The following PRKCB variants were observed in gnomAD, a reference collection of about 807,000 sequenced individuals.
PRKCB encodes protein kinase C beta type.
Under a neutral mutation model 81.5 loss-of-function variants are expected in PRKCB, and 13 were observed. The observed-to-expected ratio is 0.16, with a 90% CI of 0.10 to 0.25. PRKCB has a LOEUF of 0.25. PRKCB is among the 10% of genes least tolerant of loss of function. PRKCB has a pLI of 1.00. For synonymous variants in PRKCB, 335 were observed against 321.4 expected (o/e 1.04, Z -0.45); for missense variants, 509 against 875.7 (o/e 0.58, Z 5.29).
intron 5 of PRKCB, among the ~76,000 whole-genome samples, chr16:24,050,263 T>C (rs1007230452): frequency 3.3e-5 from 5 of 152,164 alleles, no homozygotes; most frequent in African/African-American, 1.2e-4. Flanking sequence ...AAACACATGA[T>C]AGGGCCGAGT....
At chr16:23,849,807 C>T (rs1962442771) in intron 2 of PRKCB, among the ~76,000 whole-genome samples, 1 of 152,068 alleles carries the variant, frequency 6.6e-6, no homozygotes, top group Non-Finnish European at 1.5e-5. Context: ...ATTAATATAA[C>T]CATCAGCTTG....
intron 2 of PRKCB, among the ~76,000 whole-genome samples, chr16:23,935,880 G>A (rs1464600442): frequency 6.6e-6 from 1 of 152,140 alleles, no homozygotes; most frequent in Non-Finnish European, 1.5e-5. Flanking sequence ...GGAAGTTAGA[G>A]GGAGGGGTGG....
intron 3 of PRKCB, among the ~76,000 whole-genome samples, chr16:23,989,704 A>T (rs1326929103): frequency 2.0e-5 from 3 of 152,178 alleles, no homozygotes; most frequent in Non-Finnish European, 1.5e-5. Flanking sequence ...ATATGGCAAA[A>T]GTTTTGGTAC....
chr16:23,972,640 C>A (rs985110453), intron 2 of PRKCB, among the ~76,000 whole-genome samples: 1 of 152,116 alleles, frequency 6.6e-6, no homozygotes, highest in African/African-American at 2.4e-5. Context: ...GGGCATCTAG[C>A]ATGATGGTGA....
intron 9 of PRKCB, among the ~76,000 whole-genome samples, chr16:24,140,768 T>G (rs1220424240): frequency 6.6e-6 from 1 of 152,240 alleles, no homozygotes; most frequent in Admixed American, 6.5e-5. Context: ...TTGTGACTTC[T>G]GGAATAATGG....
At chr16:24,029,015 T>C (rs1596519324) in intron 3 of PRKCB, among the ~76,000 whole-genome samples, 1 of 151,336 alleles carries the variant, frequency 6.6e-6, no homozygotes, top group African/African-American at 2.4e-5. Context: ...GGTCTCGAAC[T>C]CCTGACCTCA....
chr16:24,133,419 G>A (rs1377348800), intron 9 of PRKCB, among the ~76,000 whole-genome samples: 1 of 152,180 alleles, frequency 6.6e-6, no homozygotes, highest in Non-Finnish European at 1.5e-5. Flanking sequence ...GAGGGCCCAT[G>A]AGAATGGCTT....
chr16:24,027,376 T>G (rs1219920443), intron 3 of PRKCB, among the ~76,000 whole-genome samples: 1 of 152,164 alleles, frequency 6.6e-6, no homozygotes, highest in Non-Finnish European at 1.5e-5. Flanking sequence ...ATAGGAACCT[T>G]ATGTATTCAC....
At chr16:23,943,205 T>G (rs1340479252) in intron 2 of PRKCB, among the ~76,000 whole-genome samples, 1 of 152,150 alleles carries the variant, frequency 6.6e-6, no homozygotes, top group South Asian at 2.1e-4. Flanking sequence ...AAAATGATCA[T>G]CTACCTTAGG....
At chr16:24,008,119 T>C (rs1965152964) in intron 3 of PRKCB, among the ~76,000 whole-genome samples, 1 of 152,280 alleles carries the variant, frequency 6.6e-6, no homozygotes, top group Admixed American at 6.5e-5. Context: ...ATCATTGTTA[T>C]AATTCCATTT....
intron 2 of PRKCB, among the ~76,000 whole-genome samples, chr16:23,926,105 G>A (rs1963892767): frequency 6.6e-6 from 1 of 151,672 alleles, no homozygotes; most frequent in Non-Finnish European, 1.5e-5. Flanking sequence ...TGAGACTCCG[G>A]CTCTATAAAA....
chr16:23,928,664 G>T (rs780708267), intron 2 of PRKCB, among the ~76,000 whole-genome samples: 12 of 152,102 alleles, frequency 7.9e-5, no homozygotes, highest in South Asian at 4.2e-4. Flanking sequence ...TGGGGGACTG[G>T]GGAGGGCTTC....
At chr16:24,145,329 G>C (rs569168594) in intron 9 of PRKCB, among the ~76,000 whole-genome samples, 2 of 152,332 alleles carry the variant, frequency 1.3e-5, no homozygotes, top group Non-Finnish European at 2.9e-5. Context: ...CTGTAATCCA[G>C]CACTTTGGGA....
chr16:23,988,796 G>A (rs1429415049), intron 3 of PRKCB, among the ~76,000 whole-genome samples: 1 of 152,056 alleles, frequency 6.6e-6, no homozygotes, highest in Non-Finnish European at 1.5e-5. Flanking sequence ...CAGCTAGTTT[G>A]TCTACTATGA....
chr16:23,898,178 GC>G (rs1963411360), intron 2 of PRKCB, among the ~76,000 whole-genome samples: 1 of 151,556 alleles, frequency 6.6e-6, no homozygotes, highest in Non-Finnish European at 1.5e-5. Flanking sequence ...CCATTCTCCT[GC>G]CTCAGCCTCC....
chr16:24,045,952 T>C (rs181994869), intron 5 of PRKCB, among the ~76,000 whole-genome samples: 69 of 152,360 alleles, frequency 4.5e-4, no homozygotes, highest in African/African-American at 1.6e-3. Context: ...CATGGCATCT[T>C]ACCAGTCATG....
At chr16:24,184,597 T>G (rs1033042411) in intron 13 of PRKCB, among the ~76,000 whole-genome samples, 8 of 152,234 alleles carry the variant, frequency 5.3e-5, no homozygotes, top group East Asian at 1.9e-4. Context: ...GTCATAATTT[T>G]TCTCTTAATA....
intron 2 of PRKCB, among the ~76,000 whole-genome samples, chr16:23,883,527 T>C (rs1963155014): frequency 1.2e-4 from 18 of 152,168 alleles, no homozygotes; most frequent in Admixed American, 1.2e-3. Flanking sequence ...ATCAGATTTG[T>C]ATTTAACACA....
intron 16 of PRKCB, among the ~76,000 whole-genome samples, chr16:24,205,081 C>T (rs908885655): frequency 1.3e-5 from 2 of 150,572 alleles, no homozygotes; most frequent in East Asian, 2.0e-4. Context: ...GATCGTGCCA[C>T]TGCACACCAG....
Sources: gnomAD v4.1 joint callset for allele counts (sites outside exome capture counted in the v4.1 genomes callset) on GRCh38, gnomAD v4.1.1 for gene constraint, MANE v1.5 for transcripts, NCBI Gene and HGNC (gene_info 2026-07-23, HGNC 2026-07-21) for gene names.